The following IRGM variants were observed in gnomAD, a reference collection of about 807,000 sequenced individuals.
IRGM encodes immunity-related GTPase family M protein.
For synonymous variants in IRGM, 98 were observed against 80.6 expected (o/e 1.22, Z -1.16); for missense variants, 288 against 219.9 (o/e 1.31, Z -1.96).
chr5:150,881,182 G>C (rs1754440189), intron 3 of IRGM, among the ~76,000 whole-genome samples: 1 of 151,170 alleles, frequency 6.6e-6, no homozygotes, highest in Non-Finnish European at 1.5e-5. Context: ...GAAGGCCAAA[G>C]GTCTCCCCAG....
chr5:150,888,039 G>A (rs1395396066), intron 3 of IRGM, among the ~76,000 whole-genome samples: 1 of 151,946 alleles, frequency 6.6e-6, no homozygotes, highest in Non-Finnish European at 1.5e-5. Context: ...ATGGTATGGT[G>A]TCTTCAAGAG....
chr5:150,901,735 A>G (rs1446354257), downstream of IRGM, among the ~76,000 whole-genome samples: 1 of 151,978 alleles, frequency 6.6e-6, no homozygotes, highest in Non-Finnish European at 1.5e-5. Flanking sequence ...TCTCACAACA[A>G]CCCTATGGGG....
downstream of IRGM, among the ~76,000 whole-genome samples, chr5:150,850,802 T>C (rs558822371): frequency 1.3e-5 from 2 of 152,242 alleles, no homozygotes; most frequent in East Asian, 3.9e-4. Context: ...CCCCCTGTAG[T>C]GAGAGCGAGC....
chr5:150,857,221 G>A (rs1037999806), intron 1 of IRGM, among the ~76,000 whole-genome samples: 4 of 151,980 alleles, frequency 2.6e-5, no homozygotes, highest in African/African-American at 9.7e-5. Flanking sequence ...TGAGAATGAT[G>A]GTTTCCAGTT....
At chr5:150,866,598 T>C (rs953052425) in intron 1 of IRGM, among the ~76,000 whole-genome samples, 2 of 152,164 alleles carry the variant, frequency 1.3e-5, no homozygotes, top group Non-Finnish European at 2.9e-5. Context: ...GAGTATAAGT[T>C]TGAAGATGTG....
downstream of IRGM, among the ~76,000 whole-genome samples, chr5:150,849,575 T>C (rs1375792332): frequency 6.6e-6 from 1 of 151,534 alleles, no homozygotes; most frequent in Non-Finnish European, 1.5e-5. Context: ...ATTCTAACCA[T>C]ATATATGGGT....
At chr5:150,902,205 A>G (rs942685281), downstream of IRGM, among the ~76,000 whole-genome samples, 5 of 152,190 alleles carry the variant, frequency 3.3e-5, no homozygotes, top group African/African-American at 1.2e-4. Flanking sequence ...AAACTTTTAA[A>G]AATGGGAGAG....
intron 3 of IRGM, chr5:150,896,704 T>G: frequency 1.9e-6 from 3 of 1,613,582 alleles, no homozygotes; most frequent in Non-Finnish European, 2.5e-6. Context: ...TGTATTGATA[T>G]ATCTGTTTCT....
At chr5:150,896,317 C>A in intron 3 of IRGM, 1 of 1,613,568 alleles carries the variant, frequency 6.2e-7, no homozygotes, top group Non-Finnish European at 8.5e-7. Flanking sequence ...TGAAACTTCT[C>A]ACTGAAGGCT....
chr5:150,900,560 T>C (rs917241728), intron 3 of IRGM: 1 of 152,152 alleles, frequency 6.6e-6, no homozygotes, highest in Non-Finnish European at 1.5e-5. Context: ...GTGTTAATGT[T>C]GGTTTCTACA....
In IRGM at chr5:150,848,410, C is replaced by G. The variant is rs1753916385; in HGVS notation, c.287C>G (p.Ser96Cys). The G allele has an allele frequency of 6.4e-7, 1 of 1,551,730 alleles. No individual in the cohort carries two copies. Among genetic ancestry groups the G allele is most frequent in the African/African-American group, 1.4e-5 (1 of 73,042 alleles). ...VVLWDLPGTG[S>C]ATTTLENYLM... is the part of the protein sequence containing the mutation. ...TTGTGGGACCTGCCTGGCACAGGGT[C>G]TGCCACCACAACCCTGGAGAACTAC... is the stretch of plus-strand genomic sequence containing the variant. Residue 96 changes from serine to cysteine, a missense_variant, in exon 2 of 2, where the codon TCT (serine) becomes TGT (cysteine). Physicochemically the swap from Ser to Cys is moderately radical, Grantham distance 112 (BLOSUM62 -1). Coordinates refer to ENST00000522154, the MANE Select transcript of IRGM (RefSeq NM_001145805.2).
downstream of IRGM, among the ~76,000 whole-genome samples, chr5:150,851,317 C>T (rs547841787): frequency 7.9e-5 from 12 of 152,218 alleles, no homozygotes; most frequent in African/African-American, 2.6e-4. Context: ...CCATCTTCCT[C>T]CCCCTTATCT....
At chr5:150,886,167 G>A (rs1033925143) in intron 3 of IRGM, among the ~76,000 whole-genome samples, 1 of 152,004 alleles carries the variant, frequency 6.6e-6, no homozygotes, top group Admixed American at 6.6e-5. Flanking sequence ...TAATCATGTG[G>A]CTTTTGTCTT....
chr5:150,876,181 G>T (rs937484255), intron 1 of IRGM, among the ~76,000 whole-genome samples: 4 of 152,186 alleles, frequency 2.6e-5, no homozygotes, highest in African/African-American at 9.7e-5. Flanking sequence ...ACAATACTTT[G>T]CAGGGCTGGG....
chr5:150,851,787 A>G (rs1208958125), downstream of IRGM, among the ~76,000 whole-genome samples: 1 of 152,198 alleles, frequency 6.6e-6, no homozygotes, highest in African/African-American at 2.4e-5. Flanking sequence ...CTCATCTAAC[A>G]ATGTTTTTAG....
At chr5:150,881,722 TATC>T (rs1754448315) in intron 3 of IRGM, among the ~76,000 whole-genome samples, 1 of 152,048 alleles carries the variant, frequency 6.6e-6, no homozygotes, top group African/African-American at 2.4e-5. Flanking sequence ...TAAACAGCAA[TATC>T]AACAACAACA....
chr5:150,896,306 A>C, intron 3 of IRGM: 5 of 1,613,632 alleles, frequency 3.1e-6, no homozygotes, highest in Non-Finnish European at 4.2e-6. Context: ...GTACAACAAG[A>C]TGAAACTTCT....
intron 1 of IRGM, among the ~76,000 whole-genome samples, chr5:150,865,025 C>G (rs1754187138): frequency 6.6e-6 from 1 of 152,220 alleles, no homozygotes; most frequent in Admixed American, 6.5e-5. Flanking sequence ...TTGTCTCTTT[C>G]TCTTCTTGCT....
At chr5:150,874,083 C>A (rs1455768846) in intron 1 of IRGM, among the ~76,000 whole-genome samples, 1 of 152,202 alleles carries the variant, frequency 6.6e-6, no homozygotes, top group Non-Finnish European at 1.5e-5. Context: ...CTCTTGGTAC[C>A]TGGTATGCAG....
Sources: allele counts gnomAD v4.1 joint callset (sites outside exome capture counted in the v4.1 genomes callset), GRCh38; gene constraint gnomAD v4.1.1; transcripts MANE v1.5; gene names NCBI Gene and HGNC (gene_info 2026-07-23, HGNC 2026-07-21).